DNAH14: variants seen among roughly 807,000 people sequenced by gnomAD.
DNAH14 encodes the protein axonemal beta dynein heavy chain 14.
In DNAH14, 478 loss-of-function variants were observed where a neutral mutation model predicts 520.9. The observed-to-expected ratio is 0.92, with a 90% confidence interval of 0.85 to 0.99. The LOEUF (loss-of-function observed/expected upper bound fraction) is 0.99. DNAH14 is among the 50% of genes least tolerant of loss of function. The pLI is 0.00. For missense variants in DNAH14, 4,831 were observed against 5,234.5 expected, an observed-to-expected ratio of 0.92 and a Z score of 2.38; for synonymous variants, 1,581 against 1,757.2, an observed-to-expected ratio of 0.90 and a Z score of 2.51.
intron 19 of DNAH14, 109 bp downstream of exon 19, chr1:225,080,857 C>T: frequency 3.4e-6 from 4 of 1,178,942 alleles, no homozygotes; most frequent in South Asian, 3.6e-5. Flanking sequence ...TCAGGTTGAC[C>T]ATTATGGCTA....
chr1:225,150,157 AT>A (rs1173233981), intron 31 of DNAH14, among the ~76,000 whole-genome samples: 2 of 152,046 alleles, frequency 1.3e-5, no homozygotes, highest in South Asian at 2.1e-4. Context: ...TGAGATTATC[AT>A]TTTTTTGTCT....
At chr1:225,103,923 C>T (rs569641954) in intron 23 of DNAH14, among the ~76,000 whole-genome samples, 33 of 138,570 alleles carry the variant, frequency 2.4e-4, no homozygotes, top group African/African-American at 7.2e-4. Context: ...ACTTCCAACA[C>T]TATGTTGAAT....
At chr1:224,961,270 C>T (rs1232328219) in intron 4 of DNAH14, 1 of 152,160 alleles carries the variant, frequency 6.6e-6, no homozygotes, top group Non-Finnish European at 1.5e-5. Context: ...AGACTTTAAG[C>T]AGAGGATCCG....
Position 225,152,750 on chromosome 1 carries a change from T to C in DNAH14, c.5063T>C (p.Val1688Ala), listed in dbSNP as rs1307521340. Residue 1688 changes from valine (V) to alanine (A), a missense_variant, in exon 33 of 86, where the codon GTG becomes GCG. Coordinates refer to ENST00000682510, the MANE Select transcript of DNAH14 (RefSeq NM_001367479.1). Reference sequence around the variant, plus strand: ...AACTTAAAATCTCTGTTTCGCCCAGTGGCAATGATGGTGCCCCATTATCAA... The same window carrying C: ...AACTTAAAATCTCTGTTTCGCCCAGCGGCAATGATGGTGCCCCATTATCAA... ...PDNLKSLFRP[V>A]AMMVPHYQMI... 13 of 1,551,278 alleles carry C rather than the reference T, an allele frequency of 8.4e-6. 1 individual carries two copies. In the South Asian group the frequency reaches 1.4e-4, roughly 17 times the overall value.
At chr1:225,251,063 G>C (rs995978479) in intron 43 of DNAH14, among the ~76,000 whole-genome samples, 4 of 152,058 alleles carry the variant, frequency 2.6e-5, no homozygotes, top group African/African-American at 7.2e-5. Flanking sequence ...AGTCTTTTCA[G>C]CAAATGGTAC....
chr1:225,330,022 A>C (rs1003087455), intron 64 of DNAH14, among the ~76,000 whole-genome samples: 4 of 152,228 alleles, frequency 2.6e-5, no homozygotes, highest in Non-Finnish European at 5.9e-5. Context: ...AAAAGAAGAC[A>C]TACCAATGGC....
chr1:225,217,946 A>G (rs1225080472), intron 41 of DNAH14, among the ~76,000 whole-genome samples: 1 of 152,128 alleles, frequency 6.6e-6, no homozygotes, highest in African/African-American at 2.4e-5. Context: ...ACTTGCAGAA[A>G]TCACCCGTCT....
chr1:225,219,828 T>C (rs1048180215), intron 41 of DNAH14, among the ~76,000 whole-genome samples: 1 of 152,134 alleles, frequency 6.6e-6, no homozygotes, highest in Non-Finnish European at 1.5e-5. Flanking sequence ...ATCATCCTGG[T>C]ACCAAAACCT....
chr1:225,128,362 A>G (rs945750411), intron 27 of DNAH14, among the ~76,000 whole-genome samples: 8 of 152,112 alleles, frequency 5.3e-5, no homozygotes, highest in Admixed American at 2.6e-4. Context: ...AGACACAACC[A>G]AAAAAGAGAA....
At chr1:225,084,778 A>G (rs925129987) in intron 20 of DNAH14, among the ~76,000 whole-genome samples, 2 of 23,924 alleles carry the variant, frequency 8.4e-5, no homozygotes, top group Non-Finnish European at 4.1e-4. Flanking sequence ...TACTTTAACC[A>G]TAAAGACTTG....
chr1:225,238,381 AGTTT>A (rs1284427515), intron 42 of DNAH14, among the ~76,000 whole-genome samples: 1 of 152,022 alleles, frequency 6.6e-6, no homozygotes, highest in Non-Finnish European at 1.5e-5. Context: ...GGGCAGCTGC[AGTTT>A]ATTGGAGGTC....
intron 78 of DNAH14, among the ~76,000 whole-genome samples, chr1:225,375,222 G>A (rs1184266327): frequency 6.6e-6 from 1 of 152,190 alleles, no homozygotes; most frequent in Non-Finnish European, 1.5e-5. Context: ...ATGGGGAATA[G>A]ATGCTGTTAT....
chr1:225,315,850 C>T (rs1221062605), intron 60 of DNAH14, among the ~76,000 whole-genome samples: 1 of 152,216 alleles, frequency 6.6e-6, no homozygotes, highest in East Asian at 1.9e-4. Context: ...AGCTGGAGCT[C>T]TCCTGTCTGT....
rs2094622959 is a variant in DNAH14, at chr1:225,324,839, A to T, written c.9723+7A>T. ...ACAAAGAGGTTTACAGCTGGTAAGA[A>T]ATACAGTTCAGTTCTCAAAATAAGA... is the stretch of plus-strand genomic sequence containing the variant. On this transcript the variant is annotated splice_region_variant and intron_variant, in intron 64 of 85. Transcript: ENST00000682510. 1.9e-6 allele frequency: 3 copies of T among 1,548,084 alleles called. No individual in the cohort carries two copies. Among genetic ancestry groups the T allele is most frequent in the Non-Finnish European group, 2.6e-6 (3 of 1,144,130 alleles).
At chr1:225,012,768 T>C (rs2064894828) in intron 10 of DNAH14, among the ~76,000 whole-genome samples, 1 of 152,216 alleles carries the variant, frequency 6.6e-6, no homozygotes, top group South Asian at 2.1e-4. Context: ...TTGATGCTTG[T>C]GTATGCTTCA....
At chr1:224,951,117 C>A (rs1451301683) in intron 1 of DNAH14, among the ~76,000 whole-genome samples, 2 of 152,122 alleles carry the variant, frequency 1.3e-5, no homozygotes, top group African/African-American at 2.4e-5. Flanking sequence ...CCTCTGCCTC[C>A]TGGGTTCTAG....
At position 224,954,959 on chromosome 1, in the gene DNAH14, A is replaced by T; in HGVS notation, c.78A>T (p.Arg26Ser). ...TAGAATTGTTTTCTTTGTCATTTAG[A>T]CTTTTAAGATATGAAGAGAAAAAAT... is the stretch of plus-strand genomic sequence containing the variant. ...MDKEETKTKP[R>S]LLRYEEKKYE... Residue 26 changes from arginine (R) to serine (S), a missense_variant and splice_region_variant, in exon 3 of 86, where the codon AGA becomes AGT. Transcript: ENST00000682510. 1.3e-6 allele frequency: 2 copies of T among 1,582,010 alleles called. No individual in the cohort carries two copies. The highest frequency in any genetic ancestry group is 1.7e-6 in the Non-Finnish European group (2 of 1,162,342).
chr1:225,227,553 G>A (rs573658472), intron 41 of DNAH14, among the ~76,000 whole-genome samples: 20 of 152,190 alleles, frequency 1.3e-4, no homozygotes, highest in South Asian at 1.0e-3. Context: ...TTTCTACATA[G>A]ACACAGTAAC....
intron 10 of DNAH14, among the ~76,000 whole-genome samples, chr1:225,020,545 T>C (rs2449275): frequency 0.9 from 132,018 of 146,072 alleles, 61,243 homozygotes; most frequent in East Asian, 1. Flanking sequence ...AAACACCTCT[T>C]TGCATACAAA....
Sources: allele counts gnomAD v4.1 joint callset (sites outside exome capture counted in the v4.1 genomes callset), GRCh38; gene constraint gnomAD v4.1.1; transcripts MANE v1.5; gene names NCBI Gene and HGNC (gene_info 2026-07-23, HGNC 2026-07-21).